The following NXPH1 variants were observed in gnomAD, a reference collection of about 807,000 sequenced individuals.
NXPH1 encodes the protein neurexophilin-1.
In NXPH1, 5 loss-of-function variants were observed where a neutral mutation model predicts 23.7. The observed-to-expected ratio is 0.21, with a 90% CI of 0.11 to 0.44. The LOEUF is 0.44. Ranked by LOEUF, NXPH1 falls within the 20% of genes least tolerant of loss-of-function variation. The probability of loss-of-function intolerance (pLI) is 0.99; values close to 1 mark genes in which losing one functional copy is unlikely to be tolerated. For missense variants in NXPH1, 324 were observed against 321.6 expected (o/e 1.01, Z -0.06); for synonymous variants, 144 against 122.2 (o/e 1.18, Z -1.18).
At chr7:8,550,598 G>C (rs1034458552) in intron 2 of NXPH1, among the ~76,000 whole-genome samples, 4 of 151,470 alleles carry the variant, frequency 2.6e-5, no homozygotes, top group African/African-American at 9.7e-5. Context: ...CTCTTGAATA[G>C]ACATATTATA....
intron 2 of NXPH1, among the ~76,000 whole-genome samples, chr7:8,612,792 G>A (rs905185917): frequency 1.3e-5 from 2 of 152,014 alleles, no homozygotes; most frequent in South Asian, 4.1e-4. Context: ...AGACACAGAG[G>A]TCAGCCTTCT....
At position 8,652,480 on chromosome 7, in the gene NXPH1, A is replaced by G. The variant is rs189836165; in HGVS notation, c.55-98528A>G. Among the ~76,000 whole-genome samples the G allele has an allele frequency of 1.6e-3, 240 of 152,310 alleles. 2 individuals carry two copies. The highest frequency in any genetic ancestry group is 5.4e-3 in the African/African-American group (224 of 41,586). ...CCTCTACAACTTATATTTTGTATATAACAAAATTCTATTACATGATATAAC... is the reference window on the plus strand; with the variant it reads ...CCTCTACAACTTATATTTTGTATATGACAAAATTCTATTACATGATATAAC... On this transcript the variant is annotated intron_variant, in intron 2 of 2. Coordinates refer to ENST00000405863, the MANE Select transcript of NXPH1 (RefSeq NM_152745.3).
Position 8,603,189 on chromosome 7 carries a change from G to T in NXPH1, c.55-147819G>T, listed in dbSNP as rs189196757. On this transcript the variant is annotated intron_variant, in intron 2 of 2. Coordinates refer to ENST00000405863, the MANE Select transcript of NXPH1 (RefSeq NM_152745.3). ...TAAGAGATATTTGTTGAATTGAATTGTTATTGACTGTAAGTAAGGAGCATA... is the reference window on the plus strand; with the variant it reads ...TAAGAGATATTTGTTGAATTGAATTTTTATTGACTGTAAGTAAGGAGCATA... 2.4e-4 allele frequency among the ~76,000 whole-genome samples: 37 copies of T among 152,236 alleles called. No homozygotes were observed. The East Asian group carries it at 6.9e-3, about 29-fold the overall frequency.
Position 8,751,540 on chromosome 7 carries a change from T to C in NXPH1, c.587T>C (p.Ile196Thr). The change falls in exon 3 of 3, where the codon ATT (isoleucine) becomes ACT (threonine). Residue 196 changes from isoleucine (I) to threonine (T), a missense_variant. Ile to Thr is a moderately conservative substitution (Grantham distance 89). Coordinates refer to ENST00000405863, the MANE Select transcript of NXPH1 (RefSeq NM_152745.3). This position sits in a 1 kb window ranked among gnomAD's most constrained non-coding sequence, Gnocchi z 4.5. ...AKDSKSFNCRIEYEKVDKATK... is the reference protein window; with the variant it reads ...AKDSKSFNCRTEYEKVDKATK... ...GATTCCAAGTCTTTTAATTGTCGCA[T>C]TGAATATGAAAAGGTTGACAAGGCT... The C allele has an allele frequency of 6.2e-7, 1 of 1,613,536 alleles. No individual in the cohort carries two copies. The highest frequency in any genetic ancestry group is 2.2e-5 in the East Asian group (1 of 44,874).
intron 2 of NXPH1, among the ~76,000 whole-genome samples, chr7:8,581,165 C>A (rs945376406): frequency 6.6e-6 from 1 of 152,184 alleles, no homozygotes; most frequent in Admixed American, 6.5e-5. Flanking sequence ...AAGCCATTCT[C>A]TTTCTCATTC....
chr7:8,617,009 G>C (rs1243836606), intron 2 of NXPH1, among the ~76,000 whole-genome samples: 1 of 152,006 alleles, frequency 6.6e-6, no homozygotes, highest in Non-Finnish European at 1.5e-5. Flanking sequence ...AGAAAGGAGC[G>C]GATTGTTTGA....
chr7:8,561,136 A>G (rs1265616361), intron 2 of NXPH1, among the ~76,000 whole-genome samples: 2 of 151,658 alleles, frequency 1.3e-5, no homozygotes, highest in African/African-American at 4.8e-5. Context: ...ATGCACATAC[A>G]GGGACTCAGC....
intron 2 of NXPH1, among the ~76,000 whole-genome samples, chr7:8,693,999 G>C (rs1481689923): frequency 6.6e-6 from 1 of 152,132 alleles, no homozygotes; most frequent in Non-Finnish European, 1.5e-5. Flanking sequence ...ATTTTATGAA[G>C]AAAGAGTCAT....
chr7:8,551,385 G>A (rs1264431798), intron 2 of NXPH1, among the ~76,000 whole-genome samples: 1 of 151,408 alleles, frequency 6.6e-6, no homozygotes, highest in Admixed American at 6.6e-5. Context: ...TTCACAAGGA[G>A]TTTAAAAGTT....
rs527811815 is a variant in NXPH1 at position 8,735,554 on chromosome 7, G to A, written c.55-15454G>A. Among the ~76,000 whole-genome samples, 10 of 152,258 alleles carry A rather than the reference G, an allele frequency of 6.6e-5. No homozygotes were observed. The South Asian group carries it at 2.1e-3, about 32-fold the overall frequency. ...TTTGGTTTGCCAGTATTTTATTGAG[G>A]ATTTTCACATTGATGTTCATCAGGG... On this transcript the variant is annotated intron_variant, in intron 2 of 2. Coordinates refer to ENST00000405863, the MANE Select transcript of NXPH1 (RefSeq NM_152745.3).
intron 2 of NXPH1, among the ~76,000 whole-genome samples, chr7:8,677,190 T>A (rs1373296211): frequency 6.6e-6 from 1 of 152,206 alleles, no homozygotes; most frequent in African/African-American, 2.4e-5. Context: ...AAGGGCAGTT[T>A]TTGAAGAAAT....
chr7:8,447,842 G>C (rs1816432173), intron 2 of NXPH1, among the ~76,000 whole-genome samples: 1 of 152,190 alleles, frequency 6.6e-6, no homozygotes, highest in African/African-American at 2.4e-5. Context: ...AAAAGTGTGA[G>C]AGGCTTTAAA....
chr7:8,746,696 A>G (rs545667527), intron 2 of NXPH1, among the ~76,000 whole-genome samples: 1 of 152,278 alleles, frequency 6.6e-6, no homozygotes, highest in East Asian at 1.9e-4. Context: ...ATGAGCACTT[A>G]ATGTGAGTTC....
At chr7:8,539,106 C>T (rs1195233068) in intron 2 of NXPH1, among the ~76,000 whole-genome samples, 1 of 151,738 alleles carries the variant, frequency 6.6e-6, no homozygotes, top group Non-Finnish European at 1.5e-5. Context: ...ACACTGACTA[C>T]CTATGTAACC....
chr7:8,502,804 C>T (rs1817457809), intron 2 of NXPH1, among the ~76,000 whole-genome samples: 2 of 151,576 alleles, frequency 1.3e-5, no homozygotes, highest in African/African-American at 2.4e-5. Context: ...TTACTGCAAG[C>T]CCATCTTCTG....
chr7:8,448,395 T>C lies in NXPH1; in HGVS notation c.54+12628T>C, dbSNP rs1034704363. Among the ~76,000 whole-genome samples the C allele has an allele frequency of 2.0e-5, 3 of 152,254 alleles. No individual in the cohort carries two copies. The East Asian group carries it at 5.8e-4, about 29-fold the overall frequency. On this transcript the variant is annotated intron_variant, in intron 2 of 2. Transcript: ENST00000405863. ...ATGAATATGACACAGAAGGGCTGAT[T>C]CTATCCTAGGGCCATATTTTTTGTT...
At chr7:8,612,094 G>A (rs1819632841) in intron 2 of NXPH1, among the ~76,000 whole-genome samples, 2 of 151,968 alleles carry the variant, frequency 1.3e-5, no homozygotes, top group South Asian at 2.1e-4. Context: ...AATTGAATAT[G>A]TGAAGGCATG....
intron 2 of NXPH1, among the ~76,000 whole-genome samples, chr7:8,567,418 A>C (rs1351681746): frequency 6.6e-6 from 1 of 151,812 alleles, no homozygotes; most frequent in Non-Finnish European, 1.5e-5. Context: ...GGCTGTGGGC[A>C]GGGCCCACAA....
intron 2 of NXPH1, among the ~76,000 whole-genome samples, chr7:8,650,919 A>G (rs1284090303): frequency 6.6e-6 from 1 of 152,176 alleles, no homozygotes; most frequent in Admixed American, 6.5e-5. Flanking sequence ...AAAATATACC[A>G]TTGAAGGTTG....
Sources: gnomAD v4.1 joint callset for allele counts (sites outside exome capture counted in the v4.1 genomes callset) on GRCh38, gnomAD v4.1.1 for gene constraint, Gnocchi (gnomAD v3.1) non-coding constraint, MANE v1.5 for transcripts, NCBI Gene and HGNC (gene_info 2026-07-23, HGNC 2026-07-21) for gene names.